The following GAK variants were observed in gnomAD, a reference collection of about 807,000 sequenced individuals.
The protein encoded by GAK is cyclin-G-associated kinase.
Under a neutral mutation model 143.9 loss-of-function variants are expected in GAK, and 79 were observed. The observed-to-expected ratio is 0.55, with a 90% CI of 0.46 to 0.66. The LOEUF is 0.66. Ranked by LOEUF, GAK falls within the 30% of genes least tolerant of loss-of-function variation. GAK has a pLI of 0.00. For missense variants in GAK, 1,693 were observed against 1,779.7 expected (o/e 0.95, Z 0.88); for synonymous variants, 881 against 765.5 (o/e 1.15, Z -2.49).
At chr4:907,875 G>A (rs779330552) in intron 4 of GAK, among the ~76,000 whole-genome samples, 22 of 152,180 alleles carry the variant, frequency 1.4e-4, no homozygotes, top group Non-Finnish European at 2.9e-5. Context: ...GTGAGCTGGC[G>A]CGCGCATGCG....
intron 1 of GAK, among the ~76,000 whole-genome samples, chr4:917,941 C>T (rs545270364): frequency 6.6e-6 from 1 of 152,338 alleles, no homozygotes; most frequent in East Asian, 1.9e-4. Flanking sequence ...GAAGAAATCA[C>T]AACAAGCTTA....
At chr4:870,580 C>G (rs1048329707) in intron 19 of GAK, 131 bp downstream of exon 19, 37 of 870,176 alleles carry the variant, frequency 4.3e-5, no homozygotes, top group Admixed American at 8.3e-5. Flanking sequence ...CTCCTGCAGC[C>G]CAAGCTGCTC....
At chr4:919,843 G>C (rs886105199) in intron 1 of GAK, among the ~76,000 whole-genome samples, 9 of 152,210 alleles carry the variant, frequency 5.9e-5, no homozygotes, top group African/African-American at 1.9e-4. Flanking sequence ...CAGCACCTAA[G>C]TGGTGCCTGA....
At chr4:920,286 C>T (rs182725686) in intron 1 of GAK, among the ~76,000 whole-genome samples, 65 of 148,888 alleles carry the variant, frequency 4.4e-4, no homozygotes, top group Non-Finnish European at 8.2e-4. Flanking sequence ...CCAACCTGGG[C>T]GACAGAGCAA....
chr4:930,609 T>C (rs1382353619), intron 1 of GAK, among the ~76,000 whole-genome samples: 1 of 151,500 alleles, frequency 6.6e-6, no homozygotes, highest in African/African-American at 2.4e-5. Flanking sequence ...AAGTCTGAAG[T>C]TCCAGAAAGC....
intron 15 of GAK, among the ~76,000 whole-genome samples, chr4:879,365 C>T (rs1254316928): frequency 4.6e-5 from 7 of 152,194 alleles, no homozygotes; most frequent in Admixed American, 3.9e-4. Flanking sequence ...TAAAATCTAC[C>T]ATCTTGCTGG....
chr4:912,980 G>A (rs536414352), intron 2 of GAK, among the ~76,000 whole-genome samples, 186 bp from the exon 3 acceptor site: 3 of 152,342 alleles, frequency 2.0e-5, no homozygotes, highest in African/African-American at 7.2e-5. Context: ...ACCCTCAAAA[G>A]ATCTTTGTGA....
chr4:921,100 T>G (rs944077056), intron 1 of GAK, among the ~76,000 whole-genome samples: 3 of 151,168 alleles, frequency 2.0e-5, no homozygotes, highest in Non-Finnish European at 4.4e-5. Flanking sequence ...GGTGATTTCT[T>G]CTTCTTTTTC....
chr4:855,295 G>A (rs1379871859), intron 24 of GAK, among the ~76,000 whole-genome samples: 6 of 151,452 alleles, frequency 4.0e-5, no homozygotes, highest in Admixed American at 6.6e-5. Context: ...ACAAGCCCTA[G>A]ACATGTCTGG....
At chr4:897,911 T>G (rs1224618639) in intron 6 of GAK, 122 bp downstream of exon 6, 26 of 1,165,606 alleles carry the variant, frequency 2.2e-5, no homozygotes, top group Middle Eastern at 3.0e-4. Flanking sequence ...ATTGCACCAC[T>G]GCACTCCAGC....
At chr4:924,709 C>T (rs77437521) in intron 1 of GAK, among the ~76,000 whole-genome samples, 7,807 of 152,218 alleles carry the variant, frequency 0.051, 301 homozygotes, top group Middle Eastern at 0.099. Context: ...TTCCCCATGG[C>T]GTGGCTGCTC....
intron 24 of GAK, among the ~76,000 whole-genome samples, chr4:858,606 AATCCC>A (rs1749705626): frequency 1.3e-5 from 2 of 152,256 alleles, no homozygotes; most frequent in South Asian, 4.1e-4. Context: ...AGACATAGTA[AATCCC>A]CAAAACCACC....
chr4:898,108 A>G lies in GAK; in HGVS notation c.576T>C (p.Phe192=), dbSNP rs1560391280. 1 of 1,614,204 alleles carries G rather than the reference A, an allele frequency of 6.2e-7. No individual in the cohort carries two copies. Among genetic ancestry groups the G allele is most frequent in the East Asian group, 2.2e-5 (1 of 44,890 alleles). The change falls in exon 6 of 28, where the codon TTT becomes TTC. Residue 192 remains phenylalanine, a synonymous_variant. Coordinates refer to ENST00000314167, the MANE Select transcript of GAK (RefSeq NM_005255.4). ...AGTGCGAGATGGTCGTGGCACTGCC[A>G]AAGTCACACAGCTTAATGGTCCCTT... is the stretch of plus-strand genomic sequence containing the variant. ...SNQGTIKLCD[F]GSATTISHYP...
chr4:860,978 C>T (rs891102723), intron 23 of GAK, among the ~76,000 whole-genome samples: 5 of 152,238 alleles, frequency 3.3e-5, no homozygotes, highest in African/African-American at 1.2e-4. Context: ...TTTCAAACTT[C>T]TTCATGATTG....
intron 1 of GAK, among the ~76,000 whole-genome samples, chr4:924,255 T>C (rs1473323720): frequency 6.6e-6 from 1 of 150,754 alleles, no homozygotes; most frequent in East Asian, 1.9e-4. Context: ...TCGACACCAC[T>C]GCACACTCAC....
At chr4:850,862 A>G (rs1748013248) in intron 26 of GAK, 74 bp downstream of exon 26, 2 of 1,509,814 alleles carry the variant, frequency 1.3e-6, no homozygotes, top group Non-Finnish European at 1.8e-6. Flanking sequence ...CCGGCTCCAT[A>G]AGGCACAGCA....
chr4:866,991 A>G lies in GAK; in HGVS notation c.2837T>C (p.Val946Ala), dbSNP rs1751309068. ...GGGCCCTCCTCTTGGGGTGCTCTGCACGCTCAGGGGAGGGGCCGGGCTTGC... is the reference window on the plus strand; with the variant it reads ...GGGCCCTCCTCTTGGGGTGCTCTGCGCGCTCAGGGGAGGGGCCGGGCTTGC... ...LLASPAPPLSVQSTPRGGPPA... is the reference protein window; with the variant it reads ...LLASPAPPLSAQSTPRGGPPA... The change falls in exon 21 of 28, where the codon GTG (valine) becomes GCG (alanine). Residue 946 changes from valine to alanine, a missense_variant. Transcript: ENST00000314167. 6.7e-7 allele frequency: 1 copy of G among 1,498,448 alleles called. No homozygotes were observed. The highest frequency in any genetic ancestry group is 8.9e-7 in the Non-Finnish European group (1 of 1,124,078). The allele number at this position is 1,498,448 out of a possible 1,614,324, so 92.8% of individuals were successfully genotyped here. A position where few individuals can be genotyped will look rare whatever the true frequency, so the allele number is the denominator to read the frequency against.
At chr4:877,864 A>C in intron 15 of GAK, 55 bp from the exon 16 acceptor site, 1 of 1,462,638 alleles carries the variant, frequency 6.8e-7, no homozygotes. Flanking sequence ...GGGACCACAC[A>C]GCTGATTTTG....
In GAK at chr4:911,722, C is replaced by G; in HGVS notation, c.333G>C (p.Glu111Asp). ...FCSAASIGKEESDTGQAEFLL... is the reference protein window; with the variant it reads ...FCSAASIGKEDSDTGQAEFLL... The stretch of plus-strand genomic sequence containing the variant: ...GGAACTCAGCCTGCCCCGTGTCTGA[C>G]TCCTCTTTTCCTATAGACGCTGCAG... Residue 111 changes from glutamate to aspartate, a missense_variant, in exon 4 of 28, where the codon GAG becomes GAC. This residue lies in a region of GAK where 871 missense variants were observed against 991.0 expected (regional missense o/e 0.88). Coordinates refer to ENST00000314167, the MANE Select transcript of GAK (RefSeq NM_005255.4). 6.2e-7 allele frequency: 1 copy of G among 1,614,078 alleles called. No individual in the cohort carries two copies. The highest frequency in any genetic ancestry group is 8.5e-7 in the Non-Finnish European group (1 of 1,179,972).
Sources: allele counts gnomAD v4.1 joint callset (sites outside exome capture counted in the v4.1 genomes callset), GRCh38; gene constraint gnomAD v4.1.1; regional missense constraint gnomAD v4.1.1; transcripts MANE v1.5; gene names NCBI Gene and HGNC (gene_info 2026-07-23, HGNC 2026-07-21).